Variants in ERCC3 observed in about 807,000 individuals in gnomAD.
ERCC3 encodes ERCC excision repair 3, TFIIH core complex helicase subunit.
A neutral mutation model predicts 94.2 loss-of-function variants in ERCC3; 66 were observed. The ratio of observed to expected loss-of-function variants is 0.70; its 90% CI spans 0.57 to 0.86. ERCC3 has a LOEUF of 0.86. Among genes scored for constraint, ERCC3 ranks in the 40% least tolerant of loss-of-function variants. The pLI is 0.00. For missense variants in ERCC3, 829 were observed against 987.1 expected, an observed-to-expected ratio of 0.84 and a Z score of 2.15; for synonymous variants, 349 against 369.1, an observed-to-expected ratio of 0.95 and a Z score of 0.63.
At chr2:127,292,356 G>T in intron 3 of ERCC3, 1 of 570,846 alleles carries the variant, frequency 1.8e-6, no homozygotes. Flanking sequence ...GCTGGGAGCG[G>T]CTCATGAGAA....
Position 127,294,037 on chromosome 2 carries a change from C to T in ERCC3, c.28+17G>A, listed in dbSNP as rs1452916741. 2 of 1,603,758 alleles carry T rather than the reference C, an allele frequency of 1.2e-6. No homozygotes were observed. The highest frequency in any genetic ancestry group is 1.3e-5 in the African/African-American group (1 of 74,968). ...GCAAGGGCAGTCGTGGCTGAGCGTG[C>T]CCGCGCAACGTCTCACCGCGGTCCG... On this transcript the variant is annotated intron_variant, in intron 1 of 14. Transcript: ENST00000285398.
At position 127,257,421 on chromosome 2, in the gene ERCC3, T is replaced by C. The variant is rs559321174; in HGVS notation, c.*175A>G. 1 of 792,216 alleles carries C rather than the reference T, an allele frequency of 1.3e-6. No homozygotes were observed. The highest frequency in any genetic ancestry group is 2.5e-5 in the East Asian group (1 of 40,494). 49.1% of individuals were successfully genotyped at this position (792,216 alleles called of 1,614,324 possible). On this transcript the variant is annotated 3_prime_UTR_variant, in exon 15 of 15. Transcript: ENST00000285398. The surrounding 1 kb of genome is among the most constrained non-coding windows in gnomAD (Gnocchi z 5.4). ...AAAAATATTGTCTCCTCCTCCTTTATAAAACCCTAGATGACCTATGAAGGC... is the reference window on the plus strand; with the variant it reads ...AAAAATATTGTCTCCTCCTCCTTTACAAAACCCTAGATGACCTATGAAGGC...
chr2:127,280,459 G>A lies in ERCC3; in HGVS notation c.1515C>T (p.Val505=), dbSNP rs1323761671. The A allele has an allele frequency of 3.1e-6, 5 of 1,612,386 alleles. No homozygotes were observed. In the East Asian group the frequency reaches 6.7e-5, roughly 22 times the overall value. ...CAGGCCCAGCTACCTCAGCACACTG[G>A]ACTTTGGCGATGTAGCCATTATTCT... The part of the protein sequence containing the change: ...ELQNNGYIAK[V]QCAEVWCPMS... Residue 505 remains valine, a synonymous_variant, in exon 9 of 15, where the codon GTC becomes GTT. Coordinates refer to ENST00000285398, the MANE Select transcript of ERCC3 (RefSeq NM_000122.2). This position sits in a 1 kb window ranked among gnomAD's most constrained non-coding sequence, Gnocchi z 6.3.
Position 127,276,457 on chromosome 2 carries a change from C to T in ERCC3, c.1730+2716G>A, listed in dbSNP as rs149169983. On this transcript the variant is annotated intron_variant, in intron 10 of 14. Transcript: ENST00000285398. ...GAAAAGAGACATGGCAGGAAACAGA[C>T]GGAAGCTTCAAAAGTTTTCAAAGCC... 8.5e-4 allele frequency among the ~76,000 whole-genome samples: 129 copies of T among 151,898 alleles called. 1 individual carries two copies. Among genetic ancestry groups the T allele is most frequent in the African/African-American group, 3.0e-3 (125 of 41,392 alleles).
chr2:127,269,570 C>T (rs1229220368), intron 12 of ERCC3, among the ~76,000 whole-genome samples: 3 of 151,108 alleles, frequency 2.0e-5, no homozygotes, highest in Non-Finnish European at 4.4e-5. Flanking sequence ...TACAGGCACC[C>T]GCCACCACGC....
Position 127,292,466 on chromosome 2 carries a change from G to A in ERCC3, c.471+144C>T, listed in dbSNP as rs996699396. ...ACAATGCTGGATCCAGAGTGTAGCG[G>A]CTGGGGTAATCAGTCGTTATGCTCC... On this transcript the variant is annotated intron_variant, in intron 3 of 14. Coordinates refer to ENST00000285398, the MANE Select transcript of ERCC3 (RefSeq NM_000122.2). 16 of 763,946 alleles carry A rather than the reference G, an allele frequency of 2.1e-5. No homozygotes were observed. The African/African-American group carries it at 2.5e-4, about 12-fold the overall frequency. The allele number at this position is 763,946 out of a possible 1,614,324, so 47.3% of individuals were successfully genotyped here. A position where few individuals can be genotyped will look rare whatever the true frequency, so the allele number is the denominator to read the frequency against.
chr2:127,286,999 A>G lies in ERCC3; in HGVS notation c.1046T>C (p.Val349Ala), dbSNP rs1318493097. The G allele has an allele frequency of 1.2e-6, 2 of 1,612,938 alleles. No individual in the cohort carries two copies. Among genetic ancestry groups the G allele is most frequent in the South Asian group, 2.2e-5 (2 of 91,090 alleles). ...GACAGTGCATGCAGCAGTCACACCAACCAGGGACTTTCCAGCACCTACAAG... is the reference window on the plus strand; with the variant it reads ...GACAGTGCATGCAGCAGTCACACCAGCCAGGGACTTTCCAGCACCTACAAG... ...VLPCGAGKSLVGVTAACTVRK... is the reference protein window; with the variant it reads ...VLPCGAGKSLAGVTAACTVRK... The change falls in exon 8 of 15, where the codon GTT (valine) becomes GCT (alanine). Residue 349 changes from valine (V) to alanine (A), a missense_variant. Transcript: ENST00000285398.
chr2:127,282,912 C>T lies in ERCC3; in HGVS notation c.1343-2281G>A, dbSNP rs550420231. 1.5e-3 allele frequency among the ~76,000 whole-genome samples: 230 copies of T among 152,202 alleles called. 1 individual carries two copies. Among genetic ancestry groups the T allele is most frequent in the Non-Finnish European group, 1.2e-3 (81 of 68,012 alleles). On this transcript the variant is annotated intron_variant, in intron 8 of 14. Transcript: ENST00000285398. ...GTCCCCTGGAACCTGGGACCTGGGGCTTGGGTTAAAGAAAAACATGAACGT... is the reference window on the plus strand; with the variant it reads ...GTCCCCTGGAACCTGGGACCTGGGGTTTGGGTTAAAGAAAAACATGAACGT...
chr2:127,272,819 C>T (rs1382051540), intron 11 of ERCC3, 46 bp downstream of exon 11: 1 of 1,184,150 alleles, frequency 8.4e-7, no homozygotes, highest in Non-Finnish European at 1.3e-6. Flanking sequence ...CCCCCAGGTC[C>T]CCAGAGTGCT....
At chr2:127,276,691 CA>C (rs1007783446) in intron 10 of ERCC3, among the ~76,000 whole-genome samples, 12 of 151,882 alleles carry the variant, frequency 7.9e-5, no homozygotes, top group Non-Finnish European at 1.8e-4. Flanking sequence ...TGATTAACAA[CA>C]AAAAAACAGA....
rs1445777796 is a variant in ERCC3 at position 127,280,143 on chromosome 2, T to G, written c.1527+304A>C. ...AGGCAGCACTGTGGTATCAGGGGCC[T>G]TCATTCATCCCTGTGCCCTGAATGC... On this transcript the variant is annotated intron_variant, in intron 9 of 14. Transcript: ENST00000285398. This position sits in a 1 kb window ranked among gnomAD's most constrained non-coding sequence, Gnocchi z 6.3. 6.6e-6 allele frequency among the ~76,000 whole-genome samples: 1 copy of G among 152,204 alleles called. No homozygotes were observed. Among genetic ancestry groups the G allele is most frequent in the Non-Finnish European group, 1.5e-5 (1 of 68,036 alleles).
intron 3 of ERCC3, chr2:127,290,689 T>C (rs1019733752): frequency 2.0e-5 from 6 of 298,382 alleles, no homozygotes; most frequent in Admixed American, 4.7e-5. Flanking sequence ...CCAAATAGAA[T>C]GTAAGCATCT....
At chr2:127,265,528 C>T (rs879864461) in intron 12 of ERCC3, among the ~76,000 whole-genome samples, 1 of 152,178 alleles carries the variant, frequency 6.6e-6, no homozygotes. Flanking sequence ...ACGCAATTCT[C>T]CTGCCTCAGC....
chr2:127,289,091 A>G (rs765737908), intron 6 of ERCC3, among the ~76,000 whole-genome samples: 46 of 152,218 alleles, frequency 3.0e-4, no homozygotes, highest in Admixed American at 5.2e-4. Flanking sequence ...TTCAGGCACC[A>G]TTTCTCACAT....
Position 127,259,438 on chromosome 2 carries a change from T to G in ERCC3, c.2075A>C (p.Lys692Thr). 1 of 1,614,184 alleles carries G rather than the reference T, an allele frequency of 6.2e-7. No homozygotes were observed. ...GTCTTCCTCCTCCATGCCAGCGAGT[T>G]TCGTGATCACCTGCAAAGCCCAAGC... ...DQGYSFKVIT[K>T]LAGMEEEDLA... is the part of the protein sequence containing the mutation. The change falls in exon 14 of 15, where the codon AAA (lysine) becomes ACA (threonine). Residue 692 changes from lysine (K) to threonine (T), a missense_variant. Physicochemically the swap from Lys to Thr is moderately conservative, Grantham distance 78. Transcript: ENST00000285398. This position sits in a 1 kb window ranked among gnomAD's most constrained non-coding sequence, Gnocchi z 4.9.
chr2:127,260,326 T>G (rs946333425), intron 13 of ERCC3: 1 of 152,356 alleles, frequency 6.6e-6, no homozygotes, highest in African/African-American at 2.4e-5. Flanking sequence ...TCTGACCTGG[T>G]GCTCCTCTTA....
At chr2:127,292,342 C>A in intron 3 of ERCC3, 1 of 542,596 alleles carries the variant, frequency 1.8e-6, no homozygotes, top group Non-Finnish European at 3.4e-6. Flanking sequence ...TGTTAATACC[C>A]ACAGCTGGGA....
In ERCC3 at chr2:127,290,206, T is replaced by C; in HGVS notation, c.521+18A>G. 6.2e-7 allele frequency: 1 copy of C among 1,609,866 alleles called. No homozygotes were observed. Among genetic ancestry groups the C allele is most frequent in the African/African-American group, 1.3e-5 (1 of 74,998 alleles). ...AAGTGACAGTGCCTTGGGACAGGCCTGTCATGGAATCTCTTACCTGTTGTG... is the reference window on the plus strand; with the variant it reads ...AAGTGACAGTGCCTTGGGACAGGCCCGTCATGGAATCTCTTACCTGTTGTG... On this transcript the variant is annotated intron_variant, in intron 4 of 14. Coordinates refer to ENST00000285398, the MANE Select transcript of ERCC3 (RefSeq NM_000122.2).
At chr2:127,290,172 G>C (rs1437458449) in intron 4 of ERCC3, 52 bp downstream of exon 4, 3 of 1,380,594 alleles carry the variant, frequency 2.2e-6, no homozygotes, top group Admixed American at 1.7e-5. Context: ...ATTCCTGCTG[G>C]TGCGCAGAAA....
Sources: allele counts gnomAD v4.1 joint callset (sites outside exome capture counted in the v4.1 genomes callset), GRCh38; gene constraint gnomAD v4.1.1; non-coding constraint Gnocchi (gnomAD v3.1); transcripts MANE v1.5; gene names NCBI Gene and HGNC (gene_info 2026-07-23, HGNC 2026-07-21).